TGFBRAP1: variants seen among roughly 807,000 people sequenced by gnomAD.
The protein encoded by TGFBRAP1 is transforming growth factor-beta receptor-associated protein 1.
TGFBRAP1 carries 20 observed loss-of-function variants against 83.2 expected under a neutral mutation model. The observed-to-expected ratio is 0.24, with a 90% CI of 0.17 to 0.35. The LOEUF is 0.35. Among genes scored for constraint, TGFBRAP1 ranks in the 10% least tolerant of loss-of-function variants. The pLI is 1.00. For synonymous variants in TGFBRAP1, 415 were observed against 459.8 expected, an observed-to-expected ratio of 0.90 and a Z score of 1.25; for missense variants, 950 against 1,099.4, an observed-to-expected ratio of 0.86 and a Z score of 1.92.
chr2:105,284,421 T>C (rs1017844686), intron 4 of TGFBRAP1, 23 bp from the exon 5 acceptor site: 2 of 1,609,436 alleles, frequency 1.2e-6, no homozygotes, highest in Non-Finnish European at 1.7e-6. Context: ...ACGGGTGTAA[T>C]CTCTTAGTGA....
chr2:105,308,348 G>A, intron 1 of TGFBRAP1, 30 bp from the exon 2 acceptor site: 1 of 1,536,058 alleles, frequency 6.5e-7, no homozygotes, highest in Non-Finnish European at 8.8e-7. Context: ...ACTAATTTTA[G>A]AGGAACAAGG....
chr2:105,321,193 C>G (rs1330723970), intron 1 of TGFBRAP1, among the ~76,000 whole-genome samples: 3 of 150,298 alleles, frequency 2.0e-5, no homozygotes, highest in African/African-American at 7.4e-5. Flanking sequence ...GAGATGGAGT[C>G]TCTTGCTTTG....
intron 9 of TGFBRAP1, 93 bp downstream of exon 9, chr2:105,273,451 C>G: frequency 6.6e-7 from 1 of 1,522,968 alleles, no homozygotes; most frequent in Non-Finnish European, 8.9e-7. Flanking sequence ...ACCCAGGGAA[C>G]AGACATTACA....
At chr2:105,292,919 A>G (rs1677959314) in intron 4 of TGFBRAP1, among the ~76,000 whole-genome samples, 1 of 152,192 alleles carries the variant, frequency 6.6e-6, no homozygotes, top group Non-Finnish European at 1.5e-5. Flanking sequence ...TGGTGGCAGA[A>G]CCACACAGAG....
chr2:105,329,595 A>G (rs7424998), intron 1 of TGFBRAP1, 30 bp downstream of exon 1: 1 of 118,788 alleles, frequency 8.4e-6, no homozygotes, highest in Non-Finnish European at 1.8e-5. Flanking sequence ...TGAGCCCCGC[A>G]CCCCGCGCCC....
intron 7 of TGFBRAP1, 84 bp from the exon 8 acceptor site, chr2:105,275,787 G>T: frequency 7.1e-7 from 1 of 1,401,726 alleles, no homozygotes; most frequent in Non-Finnish European, 9.5e-7. Context: ...GTTGAGAAAT[G>T]GCATATGTTT....
At chr2:105,252,565 T>C in the TGFBRAP1 span, among the ~76,000 whole-genome samples, 3 of 152,124 alleles carry the variant, frequency 2.0e-5, no homozygotes, top group Non-Finnish European at 4.4e-5. Context: ...TGCTTCCACA[T>C]TCCCCAGGAT....
At chr2:105,304,744 C>T (rs572995894) in intron 2 of TGFBRAP1, among the ~76,000 whole-genome samples, 1 of 152,338 alleles carries the variant, frequency 6.6e-6, no homozygotes, top group Non-Finnish European at 1.5e-5. Context: ...GATGGCACCA[C>T]TGCACTCCAG....
intron 1 of TGFBRAP1, among the ~76,000 whole-genome samples, chr2:105,321,770 A>G (rs1037290947): frequency 1.3e-5 from 2 of 152,232 alleles, no homozygotes; most frequent in African/African-American, 2.4e-5. Context: ...TTGTAGCAAA[A>G]TGCATCACTC....
At chr2:105,311,156 A>AC (rs1324725852) in intron 1 of TGFBRAP1, among the ~76,000 whole-genome samples, 1 of 141,578 alleles carries the variant, frequency 7.1e-6, no homozygotes, top group Non-Finnish European at 1.6e-5. Context: ...AAAAAAAAAA[A>AC]AAAAACAAAA....
At chr2:105,308,670 C>A (rs1010914749) in intron 1 of TGFBRAP1, among the ~76,000 whole-genome samples, 1 of 152,038 alleles carries the variant, frequency 6.6e-6, no homozygotes, top group African/African-American at 2.4e-5. Context: ...CATTCACCCA[C>A]GGGCAACATA....
chr2:105,264,205 T>C (rs1558806907), downstream of TGFBRAP1, among the ~76,000 whole-genome samples: 1 of 152,180 alleles, frequency 6.6e-6, no homozygotes, highest in Non-Finnish European at 1.5e-5. Context: ...CCTCAGTGCA[T>C]GATTAATCTG....
intron 1 of TGFBRAP1, among the ~76,000 whole-genome samples, chr2:105,316,460 T>TGCGCGCGC (rs1247975846): frequency 1.1e-3 from 74 of 66,916 alleles, no homozygotes; most frequent in African/African-American, 1.6e-3. Context: ...TGTGTGTGTG[T>TGCGCGCGC]GTGCGCGCGC....
intron 4 of TGFBRAP1, among the ~76,000 whole-genome samples, chr2:105,295,303 A>C (rs1031083451): frequency 1.3e-5 from 2 of 152,204 alleles, no homozygotes; most frequent in Non-Finnish European, 1.5e-5. Flanking sequence ...GTCTTCTCTA[A>C]AATCTGACCA....
chr2:105,258,845 C>T, the TGFBRAP1 span, among the ~76,000 whole-genome samples: 4 of 152,090 alleles, frequency 2.6e-5, no homozygotes, highest in South Asian at 2.1e-4. Context: ...CATCCTGGCA[C>T]GGCCATGGCA....
At chr2:105,276,383 C>T (rs1265984581) in intron 7 of TGFBRAP1, among the ~76,000 whole-genome samples, 5 of 152,112 alleles carry the variant, frequency 3.3e-5, no homozygotes, top group African/African-American at 1.2e-4. Context: ...ACCTGCATGG[C>T]GTGCCTCACC....
chr2:105,314,352 G>A lies in TGFBRAP1; in HGVS notation c.-17-6034C>T, dbSNP rs559365854. Among the ~76,000 whole-genome samples the A allele has an allele frequency of 9.9e-4, 145 of 146,394 alleles. 1 individual carries two copies. Among genetic ancestry groups the A allele is most frequent in the Non-Finnish European group, 1.6e-3 (105 of 67,278 alleles). On this transcript the variant is annotated intron_variant, in intron 1 of 11. Transcript: ENST00000393359. Reference sequence around the variant, plus strand: ...TGCAAGCTCCACCTCCCGGGTTCACGCCATTCTCCTGCCTCAGCCTCCCGA... The same window carrying A: ...TGCAAGCTCCACCTCCCGGGTTCACACCATTCTCCTGCCTCAGCCTCCCGA...
chr2:105,270,453 T>C (rs1677115174), intron 10 of TGFBRAP1, among the ~76,000 whole-genome samples: 2 of 152,206 alleles, frequency 1.3e-5, no homozygotes, highest in Admixed American at 1.3e-4. Flanking sequence ...CACCAGCCCT[T>C]ATCTGCATTG....
intron 2 of TGFBRAP1, among the ~76,000 whole-genome samples, chr2:105,301,066 C>T (rs530137842): frequency 2.0e-5 from 3 of 151,444 alleles, no homozygotes; most frequent in African/African-American, 7.3e-5. Context: ...GCTACAAAAA[C>T]TACAAAAATT....
Sources: gnomAD v4.1 joint callset for allele counts (sites outside exome capture counted in the v4.1 genomes callset) on GRCh38, gnomAD v4.1.1 for gene constraint, MANE v1.5 for transcripts, NCBI Gene and HGNC (gene_info 2026-07-23, HGNC 2026-07-21) for gene names.